The following ARSB variants were observed in gnomAD, a reference collection of about 807,000 sequenced individuals.
ARSB encodes arylsulfatase B.
In ARSB, 41 loss-of-function variants were observed where a neutral mutation model predicts 50.9. The ratio of observed to expected loss-of-function variants is 0.81; its 90% CI spans 0.63 to 1.04. The LOEUF (loss-of-function observed/expected upper bound fraction) is 1.04. ARSB is among the 50% of genes least tolerant of loss of function. The probability of loss-of-function intolerance (pLI) is 0.00; values close to 1 mark genes in which losing one functional copy is unlikely to be tolerated. For synonymous variants in ARSB, 269 were observed against 284.8 expected (o/e 0.94, Z 0.56); for missense variants, 672 against 693.3 (o/e 0.97, Z 0.35).
intron 5 of ARSB, among the ~76,000 whole-genome samples, chr5:78,854,222 T>A (rs1746027213): frequency 6.6e-6 from 1 of 152,164 alleles, no homozygotes; most frequent in African/African-American, 2.4e-5. Flanking sequence ...CTCCGTGAAT[T>A]TTGTTTATTT....
chr5:78,899,845 G>C (rs1216426601), intron 4 of ARSB, among the ~76,000 whole-genome samples: 1 of 152,294 alleles, frequency 6.6e-6, no homozygotes, highest in East Asian at 1.9e-4. Flanking sequence ...GTCCTTTGGG[G>C]AGACTGTGGT....
chr5:78,787,121 T>TCTAC (rs1491329370), intron 6 of ARSB, among the ~76,000 whole-genome samples: 3 of 151,396 alleles, frequency 2.0e-5, no homozygotes, highest in East Asian at 2.0e-4. Flanking sequence ...TATCTATCTA[T>TCTAC]CTATCTATCT....
At chr5:78,887,802 T>C (rs1748105560) in intron 4 of ARSB, among the ~76,000 whole-genome samples, 1 of 152,174 alleles carries the variant, frequency 6.6e-6, no homozygotes, top group Admixed American at 6.5e-5. Context: ...CTATCCCTAG[T>C]ATAGAGTGGG....
At chr5:78,930,261 C>T (rs1750262299) in intron 4 of ARSB, among the ~76,000 whole-genome samples, 1 of 152,162 alleles carries the variant, frequency 6.6e-6, no homozygotes, top group African/African-American at 2.4e-5. Context: ...GACTAATTTG[C>T]ATGTATCTGA....
At position 78,879,974 on chromosome 5, in the gene ARSB, T is replaced by C. The variant is rs1341706772; in HGVS notation, c.1142+5610A>G. ...CAAACTTTGGGCAGAAATTTTACTT[T>C]TAAATAAAAAAAAAAAAGAAAGCCC... is the stretch of plus-strand genomic sequence containing the variant. On this transcript the variant is annotated intron_variant, in intron 5 of 7. Transcript: ENST00000264914. Among the ~76,000 whole-genome samples the C allele has an allele frequency of 1.3e-4, 5 of 38,758 alleles. No homozygotes were observed. The East Asian group carries it at 8.8e-3, about 68-fold the overall frequency. The allele number at this position is 38,758 out of a possible 152,430, so 25.4% of individuals were successfully genotyped here. A position where few individuals can be genotyped will look rare whatever the true frequency, so the allele number is the denominator to read the frequency against.
intron 5 of ARSB, among the ~76,000 whole-genome samples, chr5:78,839,760 T>C (rs1745115291): frequency 6.6e-6 from 1 of 152,232 alleles, no homozygotes; most frequent in African/African-American, 2.4e-5. Context: ...TCACCTCATA[T>C]AGACTTCATA....
At chr5:78,827,185 T>C (rs1323147227) in intron 6 of ARSB, among the ~76,000 whole-genome samples, 1 of 152,200 alleles carries the variant, frequency 6.6e-6, no homozygotes, top group Non-Finnish European at 1.5e-5. Flanking sequence ...ACTAAACTAG[T>C]TATAAATATC....
At chr5:78,937,403 T>TATATATATGTAAGATATATATATC (rs1459931131) in intron 4 of ARSB, among the ~76,000 whole-genome samples, 6 of 136,518 alleles carry the variant, frequency 4.4e-5, no homozygotes, top group African/African-American at 5.9e-5. Flanking sequence ...ATATGTAAGA[T>TATATATATGTAAGATATATATATC]ATATATATGT....
At chr5:78,961,908 G>A (rs1752001489) in intron 3 of ARSB, among the ~76,000 whole-genome samples, 1 of 151,734 alleles carries the variant, frequency 6.6e-6, no homozygotes, top group African/African-American at 2.4e-5. Flanking sequence ...CCAATGATTG[G>A]GTCCCACCTC....
intron 6 of ARSB, among the ~76,000 whole-genome samples, chr5:78,822,399 CCTGAA>C (rs1744265892): frequency 6.6e-6 from 1 of 151,852 alleles, no homozygotes; most frequent in African/African-American, 2.4e-5. Context: ...GACCCAAGTC[CCTGAA>C]CAGAGATTTT....
rs181350000 is a variant in ARSB, at chr5:78,839,614, C to T, written c.1143-188G>A. Among the ~76,000 whole-genome samples, 28 of 152,186 alleles carry T rather than the reference C, an allele frequency of 1.8e-4. No individual in the cohort carries two copies. The East Asian group carries it at 4.6e-3, about 25-fold the overall frequency. ...GCAGTCATCGTTTGTTTACATTGAC[C>T]GAACCCTTTACATAAGAACTTCAGT... On this transcript the variant is annotated intron_variant, in intron 5 of 7. Coordinates refer to ENST00000264914, the MANE Select transcript of ARSB (RefSeq NM_000046.5).
chr5:78,873,472 A>G (rs942369580), intron 5 of ARSB, among the ~76,000 whole-genome samples: 1 of 150,430 alleles, frequency 6.6e-6, no homozygotes, highest in Non-Finnish European at 1.5e-5. Context: ...AAAACAAAAC[A>G]GTAGAATATA....
At chr5:78,855,711 T>A (rs1371831417) in intron 5 of ARSB, among the ~76,000 whole-genome samples, 2 of 152,150 alleles carry the variant, frequency 1.3e-5, no homozygotes, top group African/African-American at 4.8e-5. Flanking sequence ...CTAGGCTTAG[T>A]GTCTGTGAGG....
chr5:78,818,428 A>T (rs1433194106), intron 6 of ARSB, among the ~76,000 whole-genome samples: 1 of 152,088 alleles, frequency 6.6e-6, no homozygotes, highest in Non-Finnish European at 1.5e-5. Flanking sequence ...TGCATCTGAG[A>T]TACATATCTG....
At chr5:78,802,500 CAGTT>C (rs1255914453) in intron 6 of ARSB, among the ~76,000 whole-genome samples, 7 of 152,174 alleles carry the variant, frequency 4.6e-5, no homozygotes, top group African/African-American at 1.2e-4. Flanking sequence ...GCTGCAGTCA[CAGTT>C]AGATTTGAGA....
intron 6 of ARSB, among the ~76,000 whole-genome samples, chr5:78,798,403 A>G (rs63106760): frequency 2.7e-5 from 4 of 150,200 alleles, no homozygotes; most frequent in South Asian, 2.1e-4. Context: ...AAAAAAAAAA[A>G]GGGAAACTAA....
chr5:78,943,736 G>A (rs1561517577), intron 4 of ARSB, among the ~76,000 whole-genome samples: 1 of 152,174 alleles, frequency 6.6e-6, no homozygotes, highest in African/African-American at 2.4e-5. Flanking sequence ...CAACTTTGGT[G>A]AATCTGACAA....
chr5:78,974,721 T>G (rs1348015142), intron 1 of ARSB, among the ~76,000 whole-genome samples: 1 of 152,176 alleles, frequency 6.6e-6, no homozygotes, highest in Non-Finnish European at 1.5e-5. Context: ...AGATATAAAA[T>G]CTGGAATTGT....
intron 6 of ARSB, among the ~76,000 whole-genome samples, chr5:78,833,279 C>T (rs1744777061): frequency 6.6e-6 from 1 of 152,226 alleles, no homozygotes; most frequent in Admixed American, 6.5e-5. Flanking sequence ...TTCAATGGTG[C>T]TATTCCCCAG....
Sources: gnomAD v4.1 joint callset for allele counts (sites outside exome capture counted in the v4.1 genomes callset) on GRCh38, gnomAD v4.1.1 for gene constraint, MANE v1.5 for transcripts, NCBI Gene and HGNC (gene_info 2026-07-23, HGNC 2026-07-21) for gene names.